Variants in RBM47 observed in about 807,000 individuals in gnomAD.
RBM47 encodes RNA binding motif protein 47.
A neutral mutation model predicts 47.1 loss-of-function variants in RBM47; 21 were observed. That is an observed-to-expected ratio of 0.45 (90% CI 0.32 to 0.64). RBM47 has a LOEUF of 0.64. Ranked by LOEUF, RBM47 falls within the 30% of genes least tolerant of loss-of-function variation. RBM47 has a pLI of 0.05. For synonymous variants in RBM47, 375 were observed against 361.7 expected (o/e 1.04, Z -0.42); for missense variants, 708 against 870.9 (o/e 0.81, Z 2.35).
intron 2 of RBM47, among the ~76,000 whole-genome samples, chr4:40,505,310 G>A (rs956573908): frequency 6.6e-6 from 1 of 151,512 alleles, no homozygotes; most frequent in African/African-American, 2.4e-5. Flanking sequence ...TGGCCAACAT[G>A]GTGAAACCCC....
intron 2 of RBM47, among the ~76,000 whole-genome samples, chr4:40,484,456 T>C (rs551137101): frequency 1.3e-5 from 2 of 152,054 alleles, no homozygotes; most frequent in African/African-American, 4.8e-5. Context: ...TTGGGTTTCC[T>C]AGCTGACACC....
At chr4:40,432,617 A>G (rs1716330362) in intron 6 of RBM47, 34 bp downstream of exon 6, 1 of 1,609,252 alleles carries the variant, frequency 6.2e-7, no homozygotes. Flanking sequence ...GAGGCTTCAC[A>G]CACAAATGAC....
intron 1 of RBM47, among the ~76,000 whole-genome samples, chr4:40,604,407 T>A (rs137857415): frequency 7.2e-5 from 11 of 152,260 alleles, no homozygotes; most frequent in African/African-American, 2.6e-4. Flanking sequence ...GGAGGATCCC[T>A]TGAAGCCAGG....
At chr4:40,580,215 C>T (rs4861051) in intron 1 of RBM47, among the ~76,000 whole-genome samples, 123,733 of 151,932 alleles carry the variant, frequency 0.81, 50,490 homozygotes, top group African/African-American at 0.87. Context: ...TGTGTTTCCT[C>T]ATACTTTTTT....
chr4:40,600,547 T>C (rs1374165047), intron 1 of RBM47, among the ~76,000 whole-genome samples: 2 of 150,684 alleles, frequency 1.3e-5, no homozygotes, highest in Non-Finnish European at 2.9e-5. Context: ...GGCAGGAGAA[T>C]GGCGTGAACC....
intron 1 of RBM47, among the ~76,000 whole-genome samples, chr4:40,599,757 T>C: frequency 6.7e-6 from 1 of 148,528 alleles, no homozygotes; most frequent in Non-Finnish European, 1.5e-5. Flanking sequence ...AAAAAAATCC[T>C]CAAGCCAGAC....
intron 2 of RBM47, among the ~76,000 whole-genome samples, chr4:40,495,988 C>CTGACAGTG (rs1287519704): frequency 1.3e-5 from 2 of 152,174 alleles, no homozygotes; most frequent in Non-Finnish European, 2.9e-5. Flanking sequence ...GCCTAATGTC[C>CTGACAGTG]TGACAGTGTT....
intron 2 of RBM47, among the ~76,000 whole-genome samples, chr4:40,472,937 T>C (rs1719120332): frequency 6.6e-6 from 1 of 152,166 alleles, no homozygotes; most frequent in South Asian, 2.1e-4. Context: ...AGGAATTTTA[T>C]AAGCTTCCCC....
chr4:40,522,973 T>TC (rs1726344311), intron 2 of RBM47, among the ~76,000 whole-genome samples: 1 of 149,394 alleles, frequency 6.7e-6, no homozygotes, highest in Non-Finnish European at 1.5e-5. Context: ...AAATCTTTTT[T>TC]TTTTTTTTTT....
intron 3 of RBM47, 105 bp downstream of exon 3, chr4:40,466,472 C>T (rs948312671): frequency 2.6e-5 from 4 of 152,044 alleles, no homozygotes; most frequent in Non-Finnish European, 4.4e-5. Flanking sequence ...CATGAACACA[C>T]AACAGGTACA....
At chr4:40,496,680 C>T (rs896660960) in intron 2 of RBM47, among the ~76,000 whole-genome samples, 12 of 152,300 alleles carry the variant, frequency 7.9e-5, no homozygotes, top group African/African-American at 2.6e-4. Flanking sequence ...ACATTACATG[C>T]GTAATCTCTA....
At chr4:40,578,403 C>T (rs951447503) in intron 1 of RBM47, among the ~76,000 whole-genome samples, 1 of 152,108 alleles carries the variant, frequency 6.6e-6, no homozygotes, top group South Asian at 2.1e-4. Context: ...AAGTGTTGCC[C>T]GATTCTAGAA....
At position 40,599,896 on chromosome 4, in the gene RBM47, G is replaced by C. The variant is rs560133633; in HGVS notation, c.-240+29500C>G. Among the ~76,000 whole-genome samples, 4 of 152,292 alleles carry C rather than the reference G, an allele frequency of 2.6e-5. No homozygotes were observed. The East Asian group carries it at 7.7e-4, about 29-fold the overall frequency. ...GCACTCAGTGAATATAGGGTGGTTT[G>C]TTGTACATCAAGAGATAACTGAGCC... On this transcript the variant is annotated intron_variant, in intron 1 of 6. Transcript: ENST00000295971.
intron 1 of RBM47, among the ~76,000 whole-genome samples, chr4:40,575,552 C>CAAAAAAAAAAAAAAAAAAA (rs33963787): frequency 1.0e-4 from 10 of 98,322 alleles, no homozygotes; most frequent in Non-Finnish European, 1.3e-4. Flanking sequence ...AACTCCATCT[C>CAAAAAAAAAAAAAAAAAAA]AAAAAAAAAA....
intron 2 of RBM47, among the ~76,000 whole-genome samples, chr4:40,506,932 C>T (rs1230399204): frequency 2.6e-5 from 4 of 151,166 alleles, no homozygotes; most frequent in Admixed American, 1.3e-4. Context: ...GTCAAAAGTT[C>T]GAGACCAGCC....
intron 2 of RBM47, among the ~76,000 whole-genome samples, chr4:40,523,886 A>G (rs1045219033): frequency 6.6e-6 from 1 of 151,870 alleles, no homozygotes; most frequent in Admixed American, 6.6e-5. Flanking sequence ...AGAGGAAAAG[A>G]AAAGGAAAGG....
chr4:40,602,647 A>T, intron 1 of RBM47, among the ~76,000 whole-genome samples: 1 of 142,880 alleles, frequency 7.0e-6, no homozygotes. Context: ...AATCCGTTTA[A>T]AAAAAAAAAA....
intron 2 of RBM47, among the ~76,000 whole-genome samples, chr4:40,469,076 T>C (rs1481267073): frequency 6.6e-6 from 1 of 152,244 alleles, no homozygotes; most frequent in African/African-American, 2.4e-5. Flanking sequence ...GGCAGGACTG[T>C]TGTGGAGAAC....
At chr4:40,512,028 G>A (rs1283867786) in intron 2 of RBM47, among the ~76,000 whole-genome samples, 2 of 152,106 alleles carry the variant, frequency 1.3e-5, no homozygotes, top group Non-Finnish European at 2.9e-5. Flanking sequence ...AACAAGGAAT[G>A]ACAAGTGTCT....
Sources: gnomAD v4.1 joint callset for allele counts (sites outside exome capture counted in the v4.1 genomes callset) on GRCh38, gnomAD v4.1.1 for gene constraint, MANE v1.5 for transcripts, NCBI Gene and HGNC (gene_info 2026-07-23, HGNC 2026-07-21) for gene names.